The following ANKFN1 variants were observed in gnomAD, a reference collection of about 807,000 sequenced individuals.
The protein encoded by ANKFN1 is ankyrin repeat and fibronectin type III domain containing 1.
In ANKFN1, 74 loss-of-function variants were observed where a neutral mutation model predicts 108.7. The observed-to-expected ratio is 0.68, with a 90% CI of 0.56 to 0.83. The LOEUF (loss-of-function observed/expected upper bound fraction) is 0.83. Among genes scored for constraint, ANKFN1 ranks in the 40% least tolerant of loss-of-function variants. The pLI is 0.00. For missense variants in ANKFN1, 1,505 were observed against 1,382.3 expected (o/e 1.09, Z -1.41); for synonymous variants, 547 against 516.2 (o/e 1.06, Z -0.81).
intron 4 of ANKFN1, among the ~76,000 whole-genome samples, chr17:56,114,420 C>T (rs1157869133): frequency 1.3e-5 from 2 of 152,160 alleles, no homozygotes; most frequent in East Asian, 1.9e-4. Flanking sequence ...ACTAGTCCTT[C>T]GTTTATGCAG....
intron 4 of ANKFN1, among the ~76,000 whole-genome samples, chr17:56,110,153 A>T (rs1427440905): frequency 1.3e-5 from 2 of 152,222 alleles, no homozygotes; most frequent in Non-Finnish European, 2.9e-5. Flanking sequence ...CCTGCCTGAA[A>T]GCGGTCCAGC....
chr17:56,457,527 C>A, intron 13 of ANKFN1, 138 bp downstream of exon 13: 1 of 921,266 alleles, frequency 1.1e-6, no homozygotes, highest in Non-Finnish European at 1.6e-6. Flanking sequence ...TCCTTTTCAG[C>A]CCTGGTATGC....
intron 4 of ANKFN1, among the ~76,000 whole-genome samples, chr17:56,331,051 G>C (rs902393934): frequency 1.3e-5 from 2 of 152,126 alleles, no homozygotes; most frequent in Non-Finnish European, 2.9e-5. Flanking sequence ...GTGGGGAATG[G>C]AAAGAGTCTA....
intron 4 of ANKFN1, among the ~76,000 whole-genome samples, chr17:56,099,862 C>G (rs1005448558): frequency 1.3e-5 from 2 of 152,226 alleles, no homozygotes; most frequent in Non-Finnish European, 2.9e-5. Context: ...TACTGGGACT[C>G]TAGCCAATGG....
intron 20 of ANKFN1, among the ~76,000 whole-genome samples, chr17:56,503,486 C>CATATAT (rs3052391): frequency 0.025 from 2,058 of 81,134 alleles, 121 homozygotes; most frequent in African/African-American, 0.079. Context: ...GCACAAATTT[C>CATATAT]ATATATATAT....
At chr17:56,068,069 C>A (rs139513046) in intron 4 of ANKFN1, among the ~76,000 whole-genome samples, 1 of 152,064 alleles carries the variant, frequency 6.6e-6, no homozygotes, top group African/African-American at 2.4e-5. Context: ...CCCAAATATG[C>A]GGTGCACTCC....
intron 4 of ANKFN1, among the ~76,000 whole-genome samples, chr17:56,092,384 C>T (rs567663092): frequency 6.7e-6 from 1 of 148,374 alleles, no homozygotes; most frequent in Admixed American, 6.7e-5. Context: ...AGGTGATTCT[C>T]CTGCCTCAGC....
At chr17:56,501,715 TA>T (rs1045529968) in intron 20 of ANKFN1, among the ~76,000 whole-genome samples, 8 of 151,972 alleles carry the variant, frequency 5.3e-5, no homozygotes, top group African/African-American at 1.7e-4. Context: ...GGAGGTAGAA[TA>T]AGAAGAGGAG....
chr17:56,419,078 TG>T (rs1230371697), intron 8 of ANKFN1, among the ~76,000 whole-genome samples: 2 of 152,226 alleles, frequency 1.3e-5, no homozygotes, highest in African/African-American at 2.4e-5. Context: ...GAGTTGACCA[TG>T]GGAACCAACT....
At chr17:56,240,236 A>G (rs1917476743) in intron 3 of ANKFN1, among the ~76,000 whole-genome samples, 1 of 152,044 alleles carries the variant, frequency 6.6e-6, no homozygotes, top group South Asian at 2.1e-4. Context: ...GTTTTTCTCT[A>G]TCAGTGAGCA....
chr17:56,055,507 T>TGTCTGTG (rs1904852204), intron 4 of ANKFN1, among the ~76,000 whole-genome samples: 1 of 142,508 alleles, frequency 7.0e-6, no homozygotes, highest in Non-Finnish European at 1.5e-5. Flanking sequence ...TGTGTATGTA[T>TGTCTGTG]GTCTGTGTGT....
chr17:56,284,521 G>T (rs1311020708), intron 3 of ANKFN1, among the ~76,000 whole-genome samples: 1 of 151,978 alleles, frequency 6.6e-6, no homozygotes, highest in Non-Finnish European at 1.5e-5. Context: ...TAATCTAATA[G>T]AATCGCCCAG....
intron 1 of ANKFN1, among the ~76,000 whole-genome samples, chr17:56,199,150 C>T (rs1913802514): frequency 6.6e-6 from 1 of 151,504 alleles, no homozygotes; most frequent in Non-Finnish European, 1.5e-5. Flanking sequence ...TAAATTTTTT[C>T]CTATAAGTCC....
intron 1 of ANKFN1, among the ~76,000 whole-genome samples, chr17:56,194,461 A>G (rs1171100095): frequency 6.6e-6 from 1 of 152,220 alleles, no homozygotes; most frequent in African/African-American, 2.4e-5. Context: ...ATGAAAAGAC[A>G]TGGGGAAACC....
At chr17:56,227,797 G>A (rs909371704) in intron 2 of ANKFN1, 120 bp from the exon 3 acceptor site, 2 of 774,162 alleles carry the variant, frequency 2.6e-6, no homozygotes, top group African/African-American at 1.8e-5. Context: ...ATATTCATCT[G>A]TAGGCTAGGC....
At chr17:56,269,377 C>T (rs1205225718) in intron 3 of ANKFN1, among the ~76,000 whole-genome samples, 1 of 152,238 alleles carries the variant, frequency 6.6e-6, no homozygotes, top group Non-Finnish European at 1.5e-5. Flanking sequence ...GCAATTTACA[C>T]AGCCCTCCCA....
At chr17:56,055,192 G>A (rs1406006577) in intron 4 of ANKFN1, among the ~76,000 whole-genome samples, 1 of 151,864 alleles carries the variant, frequency 6.6e-6, no homozygotes, top group Non-Finnish European at 1.5e-5. Context: ...TACCTGATAG[G>A]TAGTTTTTCA....
intron 4 of ANKFN1, among the ~76,000 whole-genome samples, chr17:56,130,491 G>A (rs534662838): frequency 6.6e-6 from 1 of 152,182 alleles, no homozygotes; most frequent in African/African-American, 2.4e-5. Context: ...AACTGTTTAT[G>A]TGGGGTCCGG....
chr17:56,345,053 C>T (rs2046060496), intron 4 of ANKFN1, among the ~76,000 whole-genome samples: 1 of 151,906 alleles, frequency 6.6e-6, no homozygotes, highest in Non-Finnish European at 1.5e-5. Flanking sequence ...TTGGCCACAC[C>T]CACCGACAGA....
Sources: allele counts gnomAD v4.1 joint callset (sites outside exome capture counted in the v4.1 genomes callset), GRCh38; gene constraint gnomAD v4.1.1; transcripts MANE v1.5; gene names NCBI Gene and HGNC (gene_info 2026-07-23, HGNC 2026-07-21).